MYO5B: variants seen among roughly 807,000 people sequenced by gnomAD.
MYO5B encodes myosin VB, also known as unconventional myosin-Vb.
A neutral mutation model predicts 229.3 loss-of-function variants in MYO5B; 143 were observed. The observed-to-expected ratio is 0.62, with a 90% CI of 0.54 to 0.72. The LOEUF (loss-of-function observed/expected upper bound fraction) is 0.72. MYO5B is among the 30% of genes least tolerant of loss of function. The pLI is 0.00. For synonymous variants in MYO5B, 918 were observed against 885.2 expected (o/e 1.04, Z -0.66); for missense variants, 2,321 against 2,331.0 (o/e 1.00, Z 0.09).
At chr18:50,049,015 C>A (rs1265091899) in intron 2 of MYO5B, among the ~76,000 whole-genome samples, 1 of 108,948 alleles carries the variant, frequency 9.2e-6, no homozygotes, top group African/African-American at 3.3e-5. Flanking sequence ...GAGTGAGACT[C>A]CATCTCAGGA....
chr18:50,188,149 C>T (rs760598416), intron 1 of MYO5B, among the ~76,000 whole-genome samples: 10 of 152,154 alleles, frequency 6.6e-5, no homozygotes, highest in Non-Finnish European at 1.5e-4. Context: ...AAAAATAGTG[C>T]TATAATTATC....
chr18:49,932,861 G>A (rs1790786), intron 16 of MYO5B, among the ~76,000 whole-genome samples: 80,061 of 151,506 alleles, frequency 0.53, 21,487 homozygotes, highest in Middle Eastern at 0.71. Flanking sequence ...CTCTCAATCC[G>A]CCTCACTGCT....
rs2031045978 is a variant in MYO5B, at chr18:50,075,017, C to T, written c.28-19639G>A. Reference sequence around the variant, plus strand: ...GTTTCACCATTGGTCAGGCTGGTCTCGAACTCCTGACCTCATGATCTGCCT... The same window carrying T: ...GTTTCACCATTGGTCAGGCTGGTCTTGAACTCCTGACCTCATGATCTGCCT... On this transcript the variant is annotated intron_variant, in intron 1 of 39. Transcript: ENST00000285039. Among the ~76,000 whole-genome samples, 4 of 152,246 alleles carry T rather than the reference C, an allele frequency of 2.6e-5. No individual in the cohort carries two copies. The South Asian group carries it at 8.3e-4, about 32-fold the overall frequency.
Position 50,040,163 on chromosome 18 carries a change from T to C in MYO5B, c.290A>G (p.Asn97Ser), listed in dbSNP as rs544362324. 2.2e-5 allele frequency: 35 copies of C among 1,612,836 alleles called. 2 individuals carry two copies. The South Asian group carries it at 3.5e-4, about 16-fold the overall frequency. The change falls in exon 3 of 40, where the codon AAC (asparagine) becomes AGC (serine). Residue 97 changes from asparagine (N) to serine (S), a missense_variant. Physicochemically the swap from Asn to Ser is conservative, Grantham distance 46. Around this residue, in one of 2 missense-constraint regions of MYO5B, gnomAD observed 2,113 missense variants for 2,044.7 expected, o/e 1.03. Coordinates refer to ENST00000285039, the MANE Select transcript of MYO5B (RefSeq NM_001080467.3). ...HNLKVRFLESNHIYTYCGIVL... is the reference protein window; with the variant it reads ...HNLKVRFLESSHIYTYCGIVL... ...CTTACCACAGTAAGTGTAGATATGGTTGGACTCCAGGAAACGGACCTTCAA... is the reference window on the plus strand; with the variant it reads ...CTTACCACAGTAAGTGTAGATATGGCTGGACTCCAGGAAACGGACCTTCAA...
chr18:49,881,381 C>A (rs1015824795), intron 22 of MYO5B, among the ~76,000 whole-genome samples: 6 of 151,968 alleles, frequency 3.9e-5, no homozygotes, highest in Non-Finnish European at 7.3e-5. Flanking sequence ...ACTGTCTAAT[C>A]TAGTGCTGGA....
At chr18:50,013,878 C>T (rs544594058) in intron 4 of MYO5B, among the ~76,000 whole-genome samples, 1 of 152,280 alleles carries the variant, frequency 6.6e-6, no homozygotes, top group South Asian at 2.1e-4. Context: ...CCCAGTGCTG[C>T]TCCTTCCCCC....
intron 1 of MYO5B, among the ~76,000 whole-genome samples, chr18:50,071,521 C>G (rs530687887): frequency 6.6e-6 from 1 of 152,160 alleles, no homozygotes; most frequent in Admixed American, 6.5e-5. Context: ...TCTCTCCCAC[C>G]AGAAAGGCTA....
At chr18:49,849,798 A>G in intron 31 of MYO5B, 138 bp from the exon 32 acceptor site, 1 of 746,534 alleles carries the variant, frequency 1.3e-6, no homozygotes, top group South Asian at 1.4e-5. Flanking sequence ...GGACGCTGCC[A>G]GGAGAGCTGC....
intron 2 of MYO5B, among the ~76,000 whole-genome samples, chr18:50,042,020 A>G (rs995920988): frequency 2.6e-5 from 4 of 152,218 alleles, no homozygotes; most frequent in African/African-American, 4.8e-5. Flanking sequence ...GTAACCAAAG[A>G]GATTCAAGTA....
chr18:50,091,898 G>A (rs1368062924), intron 1 of MYO5B, among the ~76,000 whole-genome samples: 1 of 152,132 alleles, frequency 6.6e-6, no homozygotes, highest in African/African-American at 2.4e-5. Flanking sequence ...TGGCTAAGGG[G>A]ATGACAATGC....
intron 37 of MYO5B, 44 bp downstream of exon 37, chr18:49,837,473 A>G (rs571997090): frequency 1.2e-6 from 2 of 1,609,298 alleles, no homozygotes; most frequent in African/African-American, 2.7e-5. Flanking sequence ...GCAGTCAGTG[A>G]GGGCCCACTC....
In MYO5B at chr18:49,882,626, C is replaced by CAAAA. The variant is rs10683323; in HGVS notation, c.3046-2175_3046-2172dup. Among the ~76,000 whole-genome samples the CAAAA allele has an allele frequency of 7.5e-5, 7 of 93,828 alleles. 1 individual carries two copies. Among genetic ancestry groups the CAAAA allele is most frequent in the East Asian group, 3.2e-4 (1 of 3,102 alleles). The allele number at this position is 93,828 out of a possible 152,430, so 61.6% of individuals were successfully genotyped here. ...CTGGCAACAGATCAAGAAATCATCT[C>CAAAA]AAAAAAAAAAAAAAAGAAAGAGGAA... On this transcript the variant is annotated intron_variant, in intron 22 of 39. Coordinates refer to ENST00000285039, the MANE Select transcript of MYO5B (RefSeq NM_001080467.3).
chr18:49,953,411 C>T (rs1335534654), intron 13 of MYO5B, 68 bp from the exon 14 acceptor site: 3 of 1,371,320 alleles, frequency 2.2e-6, no homozygotes, highest in South Asian at 2.3e-5. Context: ...CCACTTTCAT[C>T]TCATCCAGGT....
intron 33 of MYO5B, among the ~76,000 whole-genome samples, chr18:49,844,888 C>T (rs1259264463): frequency 6.6e-6 from 1 of 152,238 alleles, no homozygotes; most frequent in African/African-American, 2.4e-5. Flanking sequence ...GACGATGACA[C>T]TAGTTTTATT....
At chr18:49,977,929 C>T (rs1297551282) in intron 9 of MYO5B, among the ~76,000 whole-genome samples, 1 of 152,216 alleles carries the variant, frequency 6.6e-6, no homozygotes, top group Non-Finnish European at 1.5e-5. Flanking sequence ...GAGGTTAGCA[C>T]ACTTGCCGTA....
chr18:49,925,416 G>A (rs2025117978), intron 17 of MYO5B, among the ~76,000 whole-genome samples: 1 of 152,238 alleles, frequency 6.6e-6, no homozygotes, highest in Admixed American at 6.5e-5. Context: ...ATCAAACCAA[G>A]TTGTGGCCTG....
chr18:50,054,944 G>A lies in MYO5B; in HGVS notation c.138+324C>T, dbSNP rs116109094. 5.1e-3 allele frequency among the ~76,000 whole-genome samples: 770 copies of A among 152,184 alleles called. 9 individuals are homozygous for A. The highest frequency in any genetic ancestry group is 0.018 in the African/African-American group (736 of 41,524). Reference sequence around the variant, plus strand: ...ACCACTGTGCCCTGCAGGGACCCTTGTAGCAGCTCCTCTCCCTCACTTCCC... The same window carrying A: ...ACCACTGTGCCCTGCAGGGACCCTTATAGCAGCTCCTCTCCCTCACTTCCC... On this transcript the variant is annotated intron_variant, in intron 2 of 39. Transcript: ENST00000285039.
At chr18:50,106,310 T>G (rs78268095) in intron 1 of MYO5B, among the ~76,000 whole-genome samples, 8,544 of 152,256 alleles carry the variant, frequency 0.056, 772 homozygotes, top group African/African-American at 0.19. Flanking sequence ...TTCTCCTTAC[T>G]GCAGCCAAAG....
intron 8 of MYO5B, among the ~76,000 whole-genome samples, chr18:49,981,224 T>C (rs1161563005): frequency 6.6e-6 from 1 of 152,256 alleles, no homozygotes; most frequent in East Asian, 1.9e-4. Context: ...GTATTTAGCT[T>C]GCAAGGCATT....
Sources: gnomAD v4.1 joint callset for allele counts (sites outside exome capture counted in the v4.1 genomes callset) on GRCh38, gnomAD v4.1.1 for gene constraint, gnomAD v4.1.1 regional missense constraint, MANE v1.5 for transcripts, NCBI Gene and HGNC (gene_info 2026-07-23, HGNC 2026-07-21) for gene names.